Variants in MAGEA10 observed in about 807,000 individuals in gnomAD.
The protein encoded by MAGEA10 is melanoma-associated antigen 10.
A neutral mutation model predicts 8.6 loss-of-function variants in MAGEA10; 7 were observed. The observed-to-expected ratio is 0.82, with a 90% confidence interval of 0.46 to 1.53. MAGEA10 has a LOEUF of 1.53. Among genes scored for constraint, MAGEA10 ranks in the 40% most tolerant of loss-of-function variants. The pLI is 0.01. For missense variants in MAGEA10, 293 were observed against 274.0 expected (o/e 1.07, Z -0.49); for synonymous variants, 125 against 107.4 (o/e 1.16, Z -1.02).
intron 1 of MAGEA10, 55 bp from the exon 2 acceptor site, chrX:152,137,024 T>A (rs1936689673): frequency 9.1e-6 from 1 of 109,863 alleles, no homozygotes; most frequent in South Asian, 4.0e-4. Flanking sequence ...CCCTGTGGGG[T>A]GTCCAGGGCT....
Position 152,134,710 on chromosome X carries a change from G to A in MAGEA10, c.911C>T (p.Ala304Val), listed in dbSNP as rs760879446. 1.1e-5 allele frequency: 13 copies of A among 1,208,485 alleles called. No individual in the cohort carries two copies. The South Asian group carries it at 1.4e-4, about 13-fold the overall frequency. Residue 304 changes from alanine to valine, a missense_variant, in exon 4 of 4, where the codon GCT becomes GTT. Coordinates refer to ENST00000370323, the MANE Select transcript of MAGEA10 (RefSeq NM_021048.5). The stretch of plus-strand genomic sequence containing the variant: ...CAGGAGACTCATCTTCCTAATTTCA[G>A]CATGAGCCCTTGGACCCCACAGAAA... ...YEFLWGPRAH[A>V]EIRKMSLLKF...
At chrX:152,137,542 C>T (rs1936706268) in intron 1 of MAGEA10, among the ~76,000 whole-genome samples, 1 of 107,608 alleles carries the variant, frequency 9.3e-6, no homozygotes. Context: ...CCTGCTGAAT[C>T]GTGTATGGGT....
chrX:152,137,233 G>A (rs917894298), intron 1 of MAGEA10, among the ~76,000 whole-genome samples: 46 of 109,197 alleles, frequency 4.2e-4, no homozygotes, highest in South Asian at 1.2e-3. Flanking sequence ...GGCACCCCTT[G>A]GGTCCTGCAG....
In MAGEA10 at chrX:152,134,551, G is replaced by C. The variant is rs1274311580; in HGVS notation, c.1070C>G (p.Ala357Gly). ...GAAGCTACCTGTAGCGCTAGAACTT[G>C]CACTGGCCATGGCAGTAGTATCATC... ...TTDDTTAMASASSSATGSFSY... is the reference protein window; with the variant it reads ...TTDDTTAMASGSSSATGSFSY... The change falls in exon 4 of 4, where the codon GCA becomes GGA. Residue 357 changes from alanine to glycine, a missense_variant. Physicochemically the swap from Ala to Gly is moderately conservative, Grantham distance 60 (BLOSUM62 0). Coordinates refer to ENST00000370323, the MANE Select transcript of MAGEA10 (RefSeq NM_021048.5). 1 of 1,208,308 alleles carries C rather than the reference G, an allele frequency of 8.3e-7. No homozygotes were observed. The highest frequency in any genetic ancestry group is 2.2e-5 in the Admixed American group (1 of 45,880).
Position 152,135,509 on chromosome X carries a change from C to G in MAGEA10, c.112G>C (p.Ala38Pro), listed in dbSNP as rs781351693. The change falls in exon 4 of 4, where the codon GCT (alanine) becomes CCT (proline). Residue 38 changes from alanine to proline, a missense_variant. Transcript: ENST00000370323. ...GAGCTGGTGGAAGTGGATGATGAAG[C>G]ATCCTCCTCCACAGCCAGGGGAGCC... ...AQAPLAVEED[A>P]SSSTSTSSSF... 8.4e-7 allele frequency: 1 copy of G among 1,189,827 alleles called. No homozygotes were observed.
Position 152,135,497 on chromosome X carries a change from T to C in MAGEA10, c.124A>G (p.Thr42Ala). The C allele has an allele frequency of 8.4e-7, 1 of 1,196,100 alleles. No individual in the cohort carries two copies. Among genetic ancestry groups the C allele is most frequent in the Non-Finnish European group, 1.1e-6 (1 of 888,043 alleles). The change falls in exon 4 of 4, where the codon ACT (threonine) becomes GCT (alanine). Residue 42 changes from threonine (T) to alanine (A), a missense_variant. Coordinates refer to ENST00000370323, the MANE Select transcript of MAGEA10 (RefSeq NM_021048.5). ...GATGGAAAAGAGGAGCTGGTGGAAG[T>C]GGATGATGAAGCATCCTCCTCCACA... ...LAVEEDASSS[T>A]STSSSFPSSF...
At position 152,135,097 on chromosome X, in the gene MAGEA10, A is replaced by C; in HGVS notation, c.524T>G (p.Leu175Trp). The stretch of plus-strand genomic sequence containing the variant: ...CATGCACTCGGAGGCTTCACTAAAC[A>C]ACAAAGGGAAGTGGTCTTCATAATT... ...IRNYEDHFPL[L>W]FSEASECMLL... is the part of the protein sequence containing the mutation. The change falls in exon 4 of 4, where the codon TTG (leucine) becomes TGG (tryptophan). Residue 175 changes from leucine (L) to tryptophan (W), a missense_variant. By Grantham distance (61) the Leu-to-Trp change is moderately conservative. Coordinates refer to ENST00000370323, the MANE Select transcript of MAGEA10 (RefSeq NM_021048.5). The C allele has an allele frequency of 8.3e-7, 1 of 1,211,220 alleles. No individual in the cohort carries two copies. The highest frequency in any genetic ancestry group is 1.8e-5 in the South Asian group (1 of 56,937).
At chrX:152,136,639 C>T (rs762504470) in intron 2 of MAGEA10, among the ~76,000 whole-genome samples, 1 of 111,118 alleles carries the variant, frequency 9.0e-6, no homozygotes, top group South Asian at 3.9e-4. Context: ...TCAGTCCTCA[C>T]CTTGACTCCT....
chrX:152,135,193 T>A lies in MAGEA10; in HGVS notation c.428A>T (p.Gln143Leu), dbSNP rs1936643094. Reference protein sequence around the residue: ...EIDEKVTDLVQFLLFKYQMKE... With the variant: ...EIDEKVTDLVLFLLFKYQMKE... Reference sequence around the variant, plus strand: ...CATTTGATACTTGAAGAGCAGAAACTGCACCAAATCAGTCACCTTTTCATC... The same window carrying A: ...CATTTGATACTTGAAGAGCAGAAACAGCACCAAATCAGTCACCTTTTCATC... The change falls in exon 4 of 4, where the codon CAG (glutamine) becomes CTG (leucine). Residue 143 changes from glutamine to leucine, a missense_variant. Transcript: ENST00000370323. 8.3e-7 allele frequency: 1 copy of A among 1,208,617 alleles called. No individual in the cohort carries two copies. The highest frequency in any genetic ancestry group is 1.8e-5 in the African/African-American group (1 of 57,118).
chrX:152,136,131 C>T (rs1316567177), intron 2 of MAGEA10: 1 of 112,186 alleles, frequency 8.9e-6, no homozygotes, highest in East Asian at 2.9e-4. Context: ...AGCACAGCCC[C>T]AGCCTCCCAG....
Position 152,135,613 on chromosome X carries a change from C to T in MAGEA10, c.8G>A (p.Arg3Gln), listed in dbSNP as rs148914808. ...CATGCAGCGCTGACGCTTTGGAGCT[C>T]GAGGCATGATGACTCTGATCAGGGT... MP[R>Q]APKRQRCMPE... The change falls in exon 4 of 4, where the codon CGA becomes CAA. Residue 3 changes from arginine (R) to glutamine (Q), a missense_variant. Physicochemically the swap from Arg to Gln is conservative, Grantham distance 43. Coordinates refer to ENST00000370323, the MANE Select transcript of MAGEA10 (RefSeq NM_021048.5). 7 of 1,132,054 alleles carry T rather than the reference C, an allele frequency of 6.2e-6. No homozygotes were observed. The highest frequency in any genetic ancestry group is 1.8e-5 in the African/African-American group (1 of 54,450). The allele number at this position is 1,132,054 out of a possible 1,213,427, so 93.3% of individuals were successfully genotyped here.
chrX:152,135,521 C>A lies in MAGEA10; in HGVS notation c.100G>T (p.Val34Leu). The change falls in exon 4 of 4, where the codon GTG becomes TTG. Residue 34 changes from valine (V) to leucine (L), a missense_variant. Coordinates refer to ENST00000370323, the MANE Select transcript of MAGEA10 (RefSeq NM_021048.5). ...GTGGATGATGAAGCATCCTCCTCCACAGCCAGGGGAGCCTGTGCACCCTCG... is the reference window on the plus strand; with the variant it reads ...GTGGATGATGAAGCATCCTCCTCCAAAGCCAGGGGAGCCTGTGCACCCTCG... Reference protein sequence around the residue: ...GLEGAQAPLAVEEDASSSTST... With the variant: ...GLEGAQAPLALEEDASSSTST... 8.5e-7 allele frequency: 1 copy of A among 1,183,325 alleles called. No homozygotes were observed. Among genetic ancestry groups the A allele is most frequent in the Non-Finnish European group, 1.1e-6 (1 of 881,725 alleles).
rs774076552 is a variant in MAGEA10 at position 152,135,570 on chromosome X, T to C, written c.51A>G (p.Gln17=). Reference sequence around the variant, plus strand: ...CGAGGCCCTGTGTCTCACTTTGGGATTGAAGATCTTCTTCAGGCATGCAGC... The same window carrying C: ...CGAGGCCCTGTGTCTCACTTTGGGACTGAAGATCTTCTTCAGGCATGCAGC... ...RQRCMPEEDL[Q]SQSETQGLEG... The change falls in exon 4 of 4, where the codon CAA becomes CAG. Residue 17 remains glutamine (Q), a synonymous_variant. Transcript: ENST00000370323. 2.2e-5 allele frequency: 25 copies of C among 1,150,216 alleles called. No homozygotes were observed. The highest frequency in any genetic ancestry group is 2.9e-5 in the Non-Finnish European group (25 of 866,575). 94.8% of individuals were successfully genotyped at this position (1,150,216 alleles called of 1,213,427 possible). A position where few individuals can be genotyped will look rare whatever the true frequency, so the allele number is the denominator to read the frequency against.
chrX:152,137,286 T>C (rs1404511229), intron 1 of MAGEA10, among the ~76,000 whole-genome samples: 2 of 106,845 alleles, frequency 1.9e-5, no homozygotes, highest in Non-Finnish European at 3.9e-5. Context: ...TGGAACCCTG[T>C]AATAACTTCT....
Position 152,134,136 on chromosome X carries a change from A to G in MAGEA10, c.*375T>C, listed in dbSNP as rs1936612684. 1 of 142,293 alleles carries G rather than the reference A, an allele frequency of 7.0e-6. No homozygotes were observed. Among genetic ancestry groups the G allele is most frequent in the African/African-American group, 3.1e-5 (1 of 31,801 alleles). 11.7% of individuals were successfully genotyped at this position (142,293 alleles called of 1,213,427 possible). ...TTAAAAAAAAACAAAAACATAAACAAAAACTGACATGTAATTGTAGATATT... is the reference window on the plus strand; with the variant it reads ...TTAAAAAAAAACAAAAACATAAACAGAAACTGACATGTAATTGTAGATATT... On this transcript the variant is annotated 3_prime_UTR_variant, in exon 4 of 4. Transcript: ENST00000370323.
chrX:152,135,616 G>A lies in MAGEA10; in HGVS notation c.5C>T (p.Pro2Leu), dbSNP rs757353420. 3 of 1,134,224 alleles carry A rather than the reference G, an allele frequency of 2.6e-6. No homozygotes were observed. The highest frequency in any genetic ancestry group is 5.9e-5 in the Admixed American group (2 of 33,652). 93.5% of individuals were successfully genotyped at this position (1,134,224 alleles called of 1,213,427 possible). Residue 2 changes from proline (P) to leucine (L), a missense_variant, in exon 4 of 4, where the codon CCT (proline) becomes CTT (leucine). Coordinates refer to ENST00000370323, the MANE Select transcript of MAGEA10 (RefSeq NM_021048.5). MPRAPKRQRCMP... is the reference protein window; with the variant it reads MLRAPKRQRCMP... ...GCAGCGCTGACGCTTTGGAGCTCGA[G>A]GCATGATGACTCTGATCAGGGTAGC...
At chrX:152,137,813 G>C (rs777184458) in intron 1 of MAGEA10, among the ~76,000 whole-genome samples, 1 of 110,191 alleles carries the variant, frequency 9.1e-6, no homozygotes, top group Non-Finnish European at 1.9e-5. Flanking sequence ...ATGGGCCACC[G>C]TGCCTGAAAC....
Position 152,135,447 on chromosome X carries a change from G to A in MAGEA10, c.174C>T (p.Ser58=), listed in dbSNP as rs1280648959. ...TTAGAGGATAGCAGGAGGAGGAGGA[G>A]GAAGAGGAGGAGGAGGGAAAAGAGG... ...FPSSFPSSSS[S]SSSSCYPLIP... The change falls in exon 4 of 4, where the codon TCC becomes TCT. Residue 58 remains serine, a synonymous_variant. Coordinates refer to ENST00000370323, the MANE Select transcript of MAGEA10 (RefSeq NM_021048.5). 4 of 1,193,718 alleles carry A rather than the reference G, an allele frequency of 3.4e-6. No homozygotes were observed. Among genetic ancestry groups the A allele is most frequent in the Non-Finnish European group, 2.3e-6 (2 of 886,631 alleles).
At position 152,133,397 on chromosome X, in the gene MAGEA10, GAAA is replaced by G. The variant is rs1936595428; in HGVS notation, c.*1111_*1113del. 1 of 111,840 alleles carries G rather than the reference GAAA, an allele frequency of 8.9e-6. No individual in the cohort carries two copies. Among genetic ancestry groups the G allele is most frequent in the Admixed American group, 9.5e-5 (1 of 10,549 alleles). 9.2% of individuals were successfully genotyped at this position (111,840 alleles called of 1,213,427 possible). ...AGGATGATAAACTAAAAATAATAAAGAAATAAAAATACTAACACTTAAAATTAT... is the reference window on the plus strand; with the variant it reads ...AGGATGATAAACTAAAAATAATAAAGTAAAAATACTAACACTTAAAATTAT... On this transcript the variant is annotated 3_prime_UTR_variant, in exon 4 of 4. Transcript: ENST00000370323.
Sources: allele counts gnomAD v4.1 joint callset (sites outside exome capture counted in the v4.1 genomes callset), GRCh38; gene constraint gnomAD v4.1.1; transcripts MANE v1.5; gene names NCBI Gene and HGNC (gene_info 2026-07-23, HGNC 2026-07-21).